The following SPSB1 variants were observed in gnomAD, a reference collection of about 807,000 sequenced individuals.
SPSB1 encodes splA/ryanodine receptor domain and SOCS box containing 1.
Under a neutral mutation model 21.2 loss-of-function variants are expected in SPSB1, and 8 were observed. The observed-to-expected ratio is 0.38, with a 90% CI of 0.22 to 0.68. The LOEUF (loss-of-function observed/expected upper bound fraction) is 0.68. Among genes scored for constraint, SPSB1 ranks in the 30% least tolerant of loss-of-function variants. The probability of loss-of-function intolerance (pLI) is 0.53; values close to 1 mark genes in which losing one functional copy is unlikely to be tolerated. For synonymous variants in SPSB1, 169 were observed against 161.7 expected (o/e 1.05, Z -0.34); for missense variants, 242 against 377.8 (o/e 0.64, Z 2.98).
At chr1:9,326,403 G>C (rs1639817108) in intron 1 of SPSB1, among the ~76,000 whole-genome samples, 1 of 152,196 alleles carries the variant, frequency 6.6e-6, no homozygotes, top group Non-Finnish European at 1.5e-5. Context: ...AAAGTCAGTG[G>C]GTGGTGTCGG....
intron 1 of SPSB1, among the ~76,000 whole-genome samples, chr1:9,301,441 A>G (rs1363765473): frequency 6.6e-6 from 1 of 152,176 alleles, no homozygotes. Flanking sequence ...TTGAGGCTGC[A>G]GTGAGCTGTG....
In SPSB1 at chr1:9,367,744, T is replaced by C; in HGVS notation, c.*169T>C. The C allele has an allele frequency of 9.9e-7, 1 of 1,011,438 alleles. No homozygotes were observed. The highest frequency in any genetic ancestry group is 2.9e-5 in the Admixed American group (1 of 34,108). The allele number at this position is 1,011,438 out of a possible 1,614,324, so 62.7% of individuals were successfully genotyped here. On this transcript the variant is annotated 3_prime_UTR_variant, in exon 3 of 3. Coordinates refer to ENST00000328089, the MANE Select transcript of SPSB1 (RefSeq NM_025106.4). The surrounding 1 kb of genome is among the most constrained non-coding windows in gnomAD (Gnocchi z 5.9). The stretch of plus-strand genomic sequence containing the variant: ...CTGCCTCCATGGGACAAGGACCGAT[T>C]CCAACACAGGCTCCTCTTTCCCCCT...
chr1:9,354,083 G>T (rs754604017), intron 1 of SPSB1, among the ~76,000 whole-genome samples: 1 of 152,184 alleles, frequency 6.6e-6, no homozygotes. Flanking sequence ...ACAGGGTCTC[G>T]TGGGGCCTCT....
At chr1:9,335,360 G>T (rs1222599191) in intron 1 of SPSB1, among the ~76,000 whole-genome samples, 1 of 152,092 alleles carries the variant, frequency 6.6e-6, no homozygotes, top group African/African-American at 2.4e-5. Context: ...AAATTAACCA[G>T]GTGTGGTGGT....
At chr1:9,357,173 GTGGATGGATGAGTGGA>G (rs1640383353) in intron 2 of SPSB1, among the ~76,000 whole-genome samples, 1 of 145,866 alleles carries the variant, frequency 6.9e-6, no homozygotes. Flanking sequence ...GGATGGATGG[GTGGATGGATGAGTGGA>G]TGGATGGATG....
At chr1:9,334,003 C>T (rs1214812639) in intron 1 of SPSB1, among the ~76,000 whole-genome samples, 2 of 152,230 alleles carry the variant, frequency 1.3e-5, no homozygotes, top group Non-Finnish European at 2.9e-5. Context: ...ACCTAATCTC[C>T]ATGCCTCAGG....
At chr1:9,351,516 T>C (rs1640258366) in intron 1 of SPSB1, 1 of 152,174 alleles carries the variant, frequency 6.6e-6, no homozygotes, top group Admixed American at 6.5e-5. Context: ...TCAGGGTGGA[T>C]CTTGGTGGCC....
chr1:9,318,648 C>T (rs796704984), intron 1 of SPSB1, among the ~76,000 whole-genome samples: 16 of 152,330 alleles, frequency 1.1e-4, no homozygotes, highest in African/African-American at 3.8e-4. Flanking sequence ...TGACCAAAGC[C>T]AGACCGTGTG....
At chr1:9,340,211 C>T (rs149589725) in intron 1 of SPSB1, among the ~76,000 whole-genome samples, 170 of 152,270 alleles carry the variant, frequency 1.1e-3, no homozygotes, top group African/African-American at 4.1e-3. Flanking sequence ...CTTGGGCAGG[C>T]TTTCTCTCCT....
intron 1 of SPSB1, among the ~76,000 whole-genome samples, chr1:9,333,478 G>A (rs903058536): frequency 3.9e-5 from 6 of 151,992 alleles, no homozygotes; most frequent in Admixed American, 3.3e-4. Context: ...CTACAGGCGC[G>A]TGCCACTATG....
chr1:9,360,687 C>T (rs917197605), intron 2 of SPSB1, among the ~76,000 whole-genome samples: 6 of 152,212 alleles, frequency 3.9e-5, no homozygotes, highest in Non-Finnish European at 7.3e-5. Flanking sequence ...TGTGTCTCTC[C>T]GTGGCCCCTC....
chr1:9,314,998 A>G (rs140879125), intron 1 of SPSB1, among the ~76,000 whole-genome samples: 1 of 152,298 alleles, frequency 6.6e-6, no homozygotes, highest in African/African-American at 2.4e-5. Flanking sequence ...AAGAATCCAG[A>G]CTTTTTAAGA....
At position 9,348,069 on chromosome 1, in the gene SPSB1, C is replaced by T. The variant is rs974488857; in HGVS notation, c.-149-7674C>T. 2.0e-5 allele frequency among the ~76,000 whole-genome samples: 3 copies of T among 151,822 alleles called. No homozygotes were observed. Among genetic ancestry groups the T allele is most frequent in the Non-Finnish European group, 4.4e-5 (3 of 67,964 alleles). On this transcript the variant is annotated intron_variant, in intron 1 of 2. Coordinates refer to ENST00000328089, the MANE Select transcript of SPSB1 (RefSeq NM_025106.4). The surrounding 1 kb of genome is among the most constrained non-coding windows in gnomAD (Gnocchi z 4.8). The stretch of plus-strand genomic sequence containing the variant: ...AAGTGATTCTCCTGCCTCAGCCTCC[C>T]GAGTAGCTGGGATTACAGGTGCTCA...
chr1:9,349,331 T>C (rs1001497391), intron 1 of SPSB1, among the ~76,000 whole-genome samples: 22 of 152,098 alleles, frequency 1.4e-4, no homozygotes, highest in African/African-American at 5.3e-4. Flanking sequence ...TCGACTTTGA[T>C]ATTGGTGACG....
chr1:9,316,404 G>A (rs749970830), intron 1 of SPSB1, among the ~76,000 whole-genome samples: 1 of 152,184 alleles, frequency 6.6e-6, no homozygotes, highest in Non-Finnish European at 1.5e-5. Flanking sequence ...TTATGTGTGT[G>A]CATATGTGCT....
chr1:9,358,304 T>C (rs1640409841), intron 2 of SPSB1, among the ~76,000 whole-genome samples: 1 of 152,174 alleles, frequency 6.6e-6, no homozygotes, highest in Non-Finnish European at 1.5e-5. Context: ...ATGTCTGTGG[T>C]ACAGGCTCCC....
In SPSB1 at chr1:9,306,381, G is replaced by A. The variant is rs150610550; in HGVS notation, c.-150+13310G>A. Among the ~76,000 whole-genome samples, 323 of 152,312 alleles carry A rather than the reference G, an allele frequency of 2.1e-3. 1 individual carries two copies. Among genetic ancestry groups the A allele is most frequent in the African/African-American group, 7.2e-3 (298 of 41,572 alleles). ...CTTTGTGATGTCCAGCCTGGAGGAG[G>A]TGGAAGATGGATGGAGTGGAGGGGG... On this transcript the variant is annotated intron_variant, in intron 1 of 2. Transcript: ENST00000328089.
chr1:9,355,856 T>C lies in SPSB1; in HGVS notation c.-36T>C. ...AGACCACGAGATTGATGAGTTTGCC[T>C]TGGGAGTCGGTAAGAAGGTGAAGCC... is the stretch of plus-strand genomic sequence containing the variant. On this transcript the variant is annotated 5_prime_UTR_variant, in exon 2 of 3. Transcript: ENST00000328089. The C allele has an allele frequency of 1.3e-6, 2 of 1,520,194 alleles. No homozygotes were observed. The highest frequency in any genetic ancestry group is 1.8e-6 in the Non-Finnish European group (2 of 1,133,316). The allele number at this position is 1,520,194 out of a possible 1,614,324, so 94.2% of individuals were successfully genotyped here.
At chr1:9,358,494 C>T (rs961761589) in intron 2 of SPSB1, among the ~76,000 whole-genome samples, 1 of 152,178 alleles carries the variant, frequency 6.6e-6, no homozygotes, top group African/African-American at 2.4e-5. Flanking sequence ...AGTGGCACCA[C>T]GTCCACAGCC....
Sources: allele counts gnomAD v4.1 joint callset (sites outside exome capture counted in the v4.1 genomes callset), GRCh38; gene constraint gnomAD v4.1.1; non-coding constraint Gnocchi (gnomAD v3.1); transcripts MANE v1.5; gene names NCBI Gene and HGNC (gene_info 2026-07-23, HGNC 2026-07-21).